Variants in RASGEF1C observed in about 807,000 individuals in gnomAD.
RASGEF1C encodes the protein ras-GEF domain-containing family member 1C.
Under a neutral mutation model 58.1 loss-of-function variants are expected in RASGEF1C, and 27 were observed. That is an observed-to-expected ratio of 0.46 (90% CI 0.34 to 0.64). The LOEUF is 0.64. Among genes scored for constraint, RASGEF1C ranks in the 30% least tolerant of loss-of-function variants. RASGEF1C has a pLI of 0.01. For missense variants in RASGEF1C, 502 were observed against 605.1 expected (o/e 0.83, Z 1.79); for synonymous variants, 243 against 246.3 (o/e 0.99, Z 0.13).
intron 6 of RASGEF1C, among the ~76,000 whole-genome samples, chr5:180,125,708 G>C (rs938038575): frequency 2.7e-4 from 41 of 152,014 alleles, no homozygotes; most frequent in African/African-American, 9.2e-4. Flanking sequence ...CTTGAACCCG[G>C]GAGGTGGAGG....
intron 6 of RASGEF1C, among the ~76,000 whole-genome samples, chr5:180,127,005 T>A (rs1766274322): frequency 1.3e-5 from 2 of 151,986 alleles, no homozygotes; most frequent in South Asian, 4.1e-4. Context: ...TCTCATAGTT[T>A]GTACTTTTAT....
At chr5:180,208,027 G>A (rs1481066481) in intron 1 of RASGEF1C, among the ~76,000 whole-genome samples, 1 of 152,162 alleles carries the variant, frequency 6.6e-6, no homozygotes, top group Non-Finnish European at 1.5e-5. Flanking sequence ...GCAGCAGGCG[G>A]CACACAGTAG....
Position 180,158,085 on chromosome 5 carries a change from C to G in RASGEF1C, c.-6-20027G>C, listed in dbSNP as rs907095907. On this transcript the variant is annotated intron_variant, in intron 1 of 13. Transcript: ENST00000361132. The surrounding 1 kb of genome is among the most constrained non-coding windows in gnomAD (Gnocchi z 4.0). ...GGGGGATGTGGGAAATCTCTACTTT[C>G]TGCTCAGTTTCGCTGCGAACCTAAA... Among the ~76,000 whole-genome samples the G allele has an allele frequency of 6.6e-6, 1 of 152,176 alleles. No homozygotes were observed. The highest frequency in any genetic ancestry group is 6.5e-5 in the Admixed American group (1 of 15,286).
chr5:180,170,276 GAC>G (rs1464421389), intron 1 of RASGEF1C, among the ~76,000 whole-genome samples: 1 of 152,096 alleles, frequency 6.6e-6, no homozygotes, highest in African/African-American at 2.4e-5. Flanking sequence ...GGCTGAGGCT[GAC>G]AGAGGTGACC....
chr5:180,108,326 C>G (rs531693933), intron 12 of RASGEF1C, among the ~76,000 whole-genome samples: 150 of 152,020 alleles, frequency 9.9e-4, no homozygotes, highest in African/African-American at 3.4e-3. Context: ...CTCAGCCTCC[C>G]AAGTAGTTGG....
chr5:180,151,035 A>T (rs1188725837), intron 1 of RASGEF1C, among the ~76,000 whole-genome samples: 1 of 151,726 alleles, frequency 6.6e-6, no homozygotes, highest in East Asian at 1.9e-4. Flanking sequence ...CTTCAAGGAG[A>T]ACTACAAACC....
intron 1 of RASGEF1C, among the ~76,000 whole-genome samples, chr5:180,203,139 C>T (rs560616111): frequency 5.3e-5 from 8 of 152,160 alleles, no homozygotes; most frequent in Non-Finnish European, 1.0e-4. Context: ...TGGTGCTCAC[C>T]GGCATGAGCT....
intron 1 of RASGEF1C, among the ~76,000 whole-genome samples, chr5:180,153,531 G>A (rs1013601103): frequency 6.6e-6 from 1 of 152,188 alleles, no homozygotes; most frequent in Non-Finnish European, 1.5e-5. Context: ...TCATCTACAT[G>A]GAGAGATGGA....
At chr5:180,122,860 G>A (rs1766199330) in intron 6 of RASGEF1C, among the ~76,000 whole-genome samples, 1 of 151,590 alleles carries the variant, frequency 6.6e-6, no homozygotes, top group African/African-American at 2.4e-5. Flanking sequence ...TCATCCAAAG[G>A]AAGCAAAGGA....
rs938954461 is a variant in RASGEF1C, at chr5:180,198,079, G to A, written c.-7+10949C>T. 6.6e-6 allele frequency among the ~76,000 whole-genome samples: 1 copy of A among 152,222 alleles called. No homozygotes were observed. Among genetic ancestry groups the A allele is most frequent in the Non-Finnish European group, 1.5e-5 (1 of 68,038 alleles). ...TCATGAGCCTTTCACAGATGAGTCT[G>A]TAGGACGCTTCCTGGACAGGCTTAT... On this transcript the variant is annotated intron_variant, in intron 1 of 13. Transcript: ENST00000361132. This position sits in a 1 kb window ranked among gnomAD's most constrained non-coding sequence, Gnocchi z 4.5.
At chr5:180,161,474 C>T (rs1489692867) in intron 1 of RASGEF1C, among the ~76,000 whole-genome samples, 2 of 152,250 alleles carry the variant, frequency 1.3e-5, no homozygotes, top group Non-Finnish European at 2.9e-5. Context: ...GAATGTGGCT[C>T]ACCTGTGTGG....
intron 6 of RASGEF1C, among the ~76,000 whole-genome samples, chr5:180,121,362 G>A (rs1430495721): frequency 3.3e-5 from 5 of 151,158 alleles, no homozygotes; most frequent in Admixed American, 2.0e-4. Flanking sequence ...CGCCCAGGCT[G>A]GAGTGCGGTG....
intron 6 of RASGEF1C, among the ~76,000 whole-genome samples, chr5:180,125,057 C>T (rs747845169): frequency 5.9e-5 from 9 of 152,036 alleles, no homozygotes; most frequent in African/African-American, 1.4e-4. Flanking sequence ...CACTTGAGCC[C>T]GGGAGGTTGA....
chr5:180,202,923 C>T (rs575845422), intron 1 of RASGEF1C, among the ~76,000 whole-genome samples: 4 of 152,058 alleles, frequency 2.6e-5, no homozygotes, highest in South Asian at 2.1e-4. Context: ...AGGATGGTCT[C>T]GATCTCCTGA....
At position 180,203,034 on chromosome 5, in the gene RASGEF1C, G is replaced by A. The variant is rs145892329; in HGVS notation, c.-7+5994C>T. Among the ~76,000 whole-genome samples the A allele has an allele frequency of 1.7e-3, 259 of 152,236 alleles. 3 individuals are homozygous for A. In the East Asian group the frequency reaches 0.02, roughly 12 times the overall value. On this transcript the variant is annotated intron_variant, in intron 1 of 13. Coordinates refer to ENST00000361132, the MANE Select transcript of RASGEF1C (RefSeq NM_175062.4). ...ACAAGTCTTTCTTAAGGAACCAACAGAAGCTAAGCTTTGTCCAGTCAAAGG... is the reference window on the plus strand; with the variant it reads ...ACAAGTCTTTCTTAAGGAACCAACAAAAGCTAAGCTTTGTCCAGTCAAAGG...
In RASGEF1C at chr5:180,101,545, G is replaced by A. The variant is rs751347593; in HGVS notation, c.1377-20C>T. The A allele has an allele frequency of 1.7e-5, 28 of 1,611,372 alleles. No homozygotes were observed. Among genetic ancestry groups the A allele is most frequent in the Admixed American group, 1.3e-4 (8 of 59,938 alleles). On this transcript the variant is annotated intron_variant, in intron 13 of 13. Transcript: ENST00000361132. ...GAAGATCTGCAGATTTAAGCATGTC[G>A]GGAGCGGTGAGAGCCTGGAGCTCCC... is the stretch of plus-strand genomic sequence containing the variant.
At chr5:180,128,738 G>A (rs991079062) in intron 4 of RASGEF1C, 128 bp from the exon 5 acceptor site, 7 of 949,352 alleles carry the variant, frequency 7.4e-6, no homozygotes, top group Non-Finnish European at 1.1e-5. Flanking sequence ...AAAAGGCCAG[G>A]TACCAGCGCA....
At chr5:180,124,917 A>T (rs1402763081) in intron 6 of RASGEF1C, among the ~76,000 whole-genome samples, 1 of 152,140 alleles carries the variant, frequency 6.6e-6, no homozygotes, top group East Asian at 1.9e-4. Flanking sequence ...AGATCTCTTG[A>T]GCTCAGGAGT....
intron 1 of RASGEF1C, among the ~76,000 whole-genome samples, chr5:180,174,556 C>CTG (rs1183829599): frequency 1.4e-5 from 2 of 141,682 alleles, no homozygotes; most frequent in Non-Finnish European, 3.1e-5. Flanking sequence ...GTGCGTGTGT[C>CTG]TGTGTGTGCA....
Sources: gnomAD v4.1 joint callset for allele counts (sites outside exome capture counted in the v4.1 genomes callset) on GRCh38, gnomAD v4.1.1 for gene constraint, Gnocchi (gnomAD v3.1) non-coding constraint, MANE v1.5 for transcripts, NCBI Gene and HGNC (gene_info 2026-07-23, HGNC 2026-07-21) for gene names.